Variants in CD2AP observed in about 807,000 individuals in gnomAD.
The protein encoded by CD2AP is CD2-associated protein.
CD2AP carries 46 observed loss-of-function variants against 85.1 expected under a neutral mutation model. The observed-to-expected ratio is 0.54, with a 90% CI of 0.43 to 0.69. The LOEUF is 0.69. Among genes scored for constraint, CD2AP ranks in the 30% least tolerant of loss-of-function variants. The probability of loss-of-function intolerance (pLI) is 0.00; values close to 1 mark genes in which losing one functional copy is unlikely to be tolerated. For missense variants in CD2AP, 769 were observed against 729.5 expected (o/e 1.05, Z -0.62); for synonymous variants, 255 against 252.9 (o/e 1.01, Z -0.08).
chr6:47,612,696 T>C (rs1769480591), intron 17 of CD2AP, among the ~76,000 whole-genome samples, 160 bp downstream of exon 17: 1 of 152,046 alleles, frequency 6.6e-6, no homozygotes, highest in Admixed American at 6.6e-5. Context: ...AAGAATGAGA[T>C]CCTGTCATTT....
intron 14 of CD2AP, 66 bp from the exon 15 acceptor site, chr6:47,607,861 C>A: frequency 1.9e-6 from 2 of 1,072,788 alleles, no homozygotes; most frequent in South Asian, 1.4e-5. Context: ...CTTTATTATC[C>A]AAAGACTTAC....
At chr6:47,544,276 G>A (rs1767309332) in intron 3 of CD2AP, among the ~76,000 whole-genome samples, 1 of 152,176 alleles carries the variant, frequency 6.6e-6, no homozygotes, top group African/African-American at 2.4e-5. Flanking sequence ...TAGAGGACTT[G>A]TCTATGATGA....
chr6:47,572,442 T>C (rs1768183639), intron 5 of CD2AP, among the ~76,000 whole-genome samples: 1 of 151,982 alleles, frequency 6.6e-6, no homozygotes, highest in African/African-American at 2.4e-5. Flanking sequence ...ATTACAAAAC[T>C]GTCTTCTCCA....
At chr6:47,565,921 T>G (rs1010420656) in intron 5 of CD2AP, among the ~76,000 whole-genome samples, 7 of 152,116 alleles carry the variant, frequency 4.6e-5, no homozygotes, top group Non-Finnish European at 1.0e-4. Flanking sequence ...TGGCTACAAA[T>G]CCCTCTATGA....
At chr6:47,570,448 C>G (rs1356293065) in intron 5 of CD2AP, among the ~76,000 whole-genome samples, 1 of 152,010 alleles carries the variant, frequency 6.6e-6, no homozygotes, top group Non-Finnish European at 1.5e-5. Flanking sequence ...TTAGAAGTAC[C>G]ATATAGATAA....
intron 17 of CD2AP, among the ~76,000 whole-genome samples, chr6:47,613,896 A>G (rs1769510901): frequency 6.6e-6 from 1 of 152,196 alleles, no homozygotes; most frequent in African/African-American, 2.4e-5. Context: ...TGCAGCTTCT[A>G]CATTAGCACT....
At chr6:47,573,710 C>T (rs978069093) in intron 5 of CD2AP, among the ~76,000 whole-genome samples, 4 of 151,890 alleles carry the variant, frequency 2.6e-5, no homozygotes, top group Non-Finnish European at 5.9e-5. Flanking sequence ...AGAATGGTCT[C>T]GATCTCCTGA....
At chr6:47,527,200 C>T (rs764127386) in intron 2 of CD2AP, among the ~76,000 whole-genome samples, 12 of 152,192 alleles carry the variant, frequency 7.9e-5, no homozygotes, top group South Asian at 4.1e-4. Context: ...AGAAATCCTA[C>T]GTGTGGTAGG....
At position 47,495,457 on chromosome 6, in the gene CD2AP, G is replaced by C. The variant is rs114187355; in HGVS notation, c.5-7823G>C. On this transcript the variant is annotated intron_variant, in intron 1 of 17. Transcript: ENST00000359314. ...GCTGATACCTTGATTTTGCCCTCTC[G>C]CCTCCCGAAAGAGGAGAATAAATTT... 4.1e-3 allele frequency among the ~76,000 whole-genome samples: 620 copies of C among 152,244 alleles called. 2 individuals carry two copies. Among genetic ancestry groups the C allele is most frequent in the African/African-American group, 0.014 (566 of 41,546 alleles).
chr6:47,503,157 C>A, intron 1 of CD2AP, 123 bp from the exon 2 acceptor site: 1 of 922,702 alleles, frequency 1.1e-6, no homozygotes, highest in Non-Finnish European at 1.7e-6. Context: ...ATCAGCCTTG[C>A]TGATGTCTTT....
chr6:47,503,505 A>G, intron 2 of CD2AP, 65 bp downstream of exon 2: 4 of 1,328,258 alleles, frequency 3.0e-6, no homozygotes, highest in Non-Finnish European at 3.2e-6. Flanking sequence ...ATGTTAAGAA[A>G]TAGATATACT....
intron 5 of CD2AP, among the ~76,000 whole-genome samples, chr6:47,566,992 C>T (rs1202292080): frequency 6.6e-6 from 1 of 152,012 alleles, no homozygotes; most frequent in Non-Finnish European, 1.5e-5. Flanking sequence ...ATTAATGTCA[C>T]TCCCATTTTA....
chr6:47,505,011 C>CTTTTTTTTTTTTTTTTTTT (rs58060161), intron 2 of CD2AP, among the ~76,000 whole-genome samples: 78 of 95,110 alleles, frequency 8.2e-4, no homozygotes, highest in East Asian at 1.6e-3. Context: ...GTGGCAGTTT[C>CTTTTTTTTTTTTTTTTTTT]TTTTTTTTTT....
intron 15 of CD2AP, 37 bp from the exon 16 acceptor site, chr6:47,609,086 T>C: frequency 1.4e-6 from 2 of 1,464,634 alleles, no homozygotes; most frequent in East Asian, 2.4e-5. Flanking sequence ...AAATATAATA[T>C]TAAATAAAAT....
At chr6:47,543,343 T>TG (rs1338001877) in intron 3 of CD2AP, among the ~76,000 whole-genome samples, 1 of 152,058 alleles carries the variant, frequency 6.6e-6, no homozygotes, top group Non-Finnish European at 1.5e-5. Context: ...TTCAAGGAAT[T>TG]AAAGATCAGG....
At chr6:47,623,409 T>C (rs1769816202) in intron 17 of CD2AP, among the ~76,000 whole-genome samples, 2 of 152,150 alleles carry the variant, frequency 1.3e-5, no homozygotes, top group Non-Finnish European at 1.5e-5. Context: ...GAAATCAATA[T>C]AAAAACCATG....
chr6:47,610,971 A>ATATATATATATATTTT, intron 16 of CD2AP, among the ~76,000 whole-genome samples: 7 of 112,906 alleles, frequency 6.2e-5, no homozygotes, highest in Admixed American at 1.8e-4. Flanking sequence ...ATATATATGT[A>ATATATATATATATTTT]TTTTTTTTTT....
In CD2AP at chr6:47,620,750, G is replaced by A. The variant is rs185870886; in HGVS notation, c.1879-3436G>A. Among the ~76,000 whole-genome samples the A allele has an allele frequency of 3.3e-5, 5 of 152,106 alleles. No individual in the cohort carries two copies. In the East Asian group the frequency reaches 9.7e-4, roughly 29 times the overall value. On this transcript the variant is annotated intron_variant, in intron 17 of 17. Transcript: ENST00000359314. ...AGTGTTTTGTAGTTTTCCTTGTAGA[G>A]GTCTTCTGACTCCTTGGTTAGGTGT...
At chr6:47,548,023 A>G (rs1042833102) in intron 4 of CD2AP, among the ~76,000 whole-genome samples, 17 of 152,168 alleles carry the variant, frequency 1.1e-4, no homozygotes, top group African/African-American at 3.9e-4. Context: ...TAGCAAAGGC[A>G]GTGCTAAGAG....
Sources: gnomAD v4.1 joint callset for allele counts (sites outside exome capture counted in the v4.1 genomes callset) on GRCh38, gnomAD v4.1.1 for gene constraint, MANE v1.5 for transcripts, NCBI Gene and HGNC (gene_info 2026-07-23, HGNC 2026-07-21) for gene names.